VWA2: variants seen among roughly 807,000 people sequenced by gnomAD.
VWA2 encodes von Willebrand factor A domain containing 2, also known as von Willebrand factor A domain-containing protein 2.
VWA2 carries 73 observed loss-of-function variants against 70.4 expected under a neutral mutation model. That is an observed-to-expected ratio of 1.04 (90% CI 0.86 to 1.26). The LOEUF is 1.26. VWA2 is among the 50% of genes most tolerant of loss of function. VWA2 has a pLI of 0.00. For synonymous variants in VWA2, 407 were observed against 423.3 expected, an observed-to-expected ratio of 0.96 and a Z score of 0.47; for missense variants, 1,011 against 998.5, an observed-to-expected ratio of 1.01 and a Z score of -0.17.
intron 5 of VWA2, among the ~76,000 whole-genome samples, chr10:114,267,802 G>A (rs1253659356): frequency 6.6e-6 from 1 of 152,124 alleles, no homozygotes; most frequent in African/African-American, 2.4e-5. Flanking sequence ...TGACCTGCAG[G>A]AAGGTGAGGG....
chr10:114,247,851 G>A (rs2037106081), intron 1 of VWA2, among the ~76,000 whole-genome samples: 1 of 152,090 alleles, frequency 6.6e-6, no homozygotes, highest in Non-Finnish European at 1.5e-5. Context: ...GGATGAGGAT[G>A]AGGGCCCCTG....
Position 114,272,039 on chromosome 10 carries a change from C to T in VWA2, c.372-701C>T, listed in dbSNP as rs1297977399. Among the ~76,000 whole-genome samples, 4 of 152,206 alleles carry T rather than the reference C, an allele frequency of 2.6e-5. No individual in the cohort carries two copies. In the East Asian group the frequency reaches 7.7e-4, roughly 29 times the overall value. On this transcript the variant is annotated intron_variant, in intron 5 of 13. Coordinates refer to ENST00000392982, the MANE Select transcript of VWA2 (RefSeq NM_001272046.2). Reference sequence around the variant, plus strand: ...TCTCTGACAGGACGCTTACAGGAGCCTCCTAATTTGAGATTTAGCAGAGAT... The same window carrying T: ...TCTCTGACAGGACGCTTACAGGAGCTTCCTAATTTGAGATTTAGCAGAGAT...
chr10:114,274,448 A>G (rs1278267068), intron 6 of VWA2, among the ~76,000 whole-genome samples: 1 of 152,146 alleles, frequency 6.6e-6, no homozygotes, highest in Non-Finnish European at 1.5e-5. Context: ...AGAGGGAAGC[A>G]GCTGCAGCCT....
At chr10:114,289,676 A>G (rs2039358710) in intron 12 of VWA2, 187 bp downstream of exon 12, 1 of 642,588 alleles carries the variant, frequency 1.6e-6, no homozygotes. Context: ...ATCCTATTTG[A>G]CATTTAAGGT....
rs2037080993 is a variant in VWA2 at position 114,246,728 on chromosome 10, G to A, written c.-10-1976G>A. The A allele has an allele frequency of 2.0e-5, 30 of 1,524,470 alleles. No individual in the cohort carries two copies. The Middle Eastern group carries it at 1.2e-3, about 60-fold the overall frequency. 94.4% of individuals were successfully genotyped at this position (1,524,470 alleles called of 1,614,324 possible). On this transcript the variant is annotated intron_variant, in intron 1 of 13. Coordinates refer to ENST00000392982, the MANE Select transcript of VWA2 (RefSeq NM_001272046.2). ...AGCAAACAGTCTTAGGAATCGTGCA[G>A]GGGGAGAAATCCTTGAACCAGGGCT... is the stretch of plus-strand genomic sequence containing the variant.
chr10:114,254,678 A>G (rs183875612), intron 3 of VWA2, among the ~76,000 whole-genome samples: 2 of 152,300 alleles, frequency 1.3e-5, no homozygotes, highest in Non-Finnish European at 2.9e-5. Context: ...ATATTGTTGA[A>G]CTAGGTTCTT....
intron 5 of VWA2, among the ~76,000 whole-genome samples, chr10:114,268,507 T>C (rs1310451959): frequency 6.6e-6 from 1 of 151,996 alleles, no homozygotes; most frequent in Non-Finnish European, 1.5e-5. Context: ...GCTAAGCATA[T>C]ATAGGTAAAC....
chr10:114,258,342 G>A (rs1185544495), intron 4 of VWA2, among the ~76,000 whole-genome samples: 2 of 152,134 alleles, frequency 1.3e-5, no homozygotes, highest in Non-Finnish European at 2.9e-5. Context: ...CTGTTGTTAA[G>A]GTGGATTTAA....
chr10:114,286,572 G>A (rs1433208716), intron 11 of VWA2, 61 bp downstream of exon 11: 3 of 1,423,354 alleles, frequency 2.1e-6, no homozygotes, highest in Non-Finnish European at 2.8e-6. Context: ...CCTCCTTTTG[G>A]CCACCACCTA....
chr10:114,267,547 C>T (rs546865774), intron 5 of VWA2, among the ~76,000 whole-genome samples: 205 of 151,950 alleles, frequency 1.3e-3, no homozygotes, highest in African/African-American at 4.5e-3. Flanking sequence ...ATTCTCCTGC[C>T]TCAGCCTCCC....
chr10:114,272,649 C>T (rs1386900792), intron 5 of VWA2, 91 bp from the exon 6 acceptor site: 28 of 1,195,800 alleles, frequency 2.3e-5, no homozygotes, highest in South Asian at 4.9e-5. Flanking sequence ...TCGCTAATAA[C>T]GGAAGAGCTC....
chr10:114,273,154 A>C (rs965701864), intron 6 of VWA2, among the ~76,000 whole-genome samples: 1 of 152,196 alleles, frequency 6.6e-6, no homozygotes, highest in Non-Finnish European at 1.5e-5. Flanking sequence ...ACTCAGTTGC[A>C]AGTGCCAGAA....
chr10:114,290,099 C>T, intron 12 of VWA2, 141 bp from the exon 13 acceptor site: 2 of 1,131,184 alleles, frequency 1.8e-6, no homozygotes, highest in Non-Finnish European at 2.5e-6. Context: ...AAGTGGTATG[C>T]AGCACCAACC....
chr10:114,241,499 T>C (rs1301533108), intron 1 of VWA2, among the ~76,000 whole-genome samples: 1 of 152,206 alleles, frequency 6.6e-6, no homozygotes, highest in Non-Finnish European at 1.5e-5. Context: ...CTCGGTAATA[T>C]ACACTGACAT....
chr10:114,256,738 G>A (rs1322981566), intron 4 of VWA2, among the ~76,000 whole-genome samples: 5 of 151,860 alleles, frequency 3.3e-5, no homozygotes, highest in African/African-American at 1.2e-4. Flanking sequence ...ATGAAACCTT[G>A]TCTCTACTAA....
In VWA2 at chr10:114,294,190, T is replaced by A. The variant is rs2039860169; in HGVS notation, c.*2953T>A. 6.6e-6 allele frequency among the ~76,000 whole-genome samples: 1 copy of A among 152,242 alleles called. No homozygotes were observed. Among genetic ancestry groups the A allele is most frequent in the African/African-American group, 2.4e-5 (1 of 41,476 alleles). ...CTGCTGAATTTTTCATTTGCCAACA[T>A]CTTATTTCAGATTCTTTTAATCTGT... is the stretch of plus-strand genomic sequence containing the variant. On this transcript the variant is annotated 3_prime_UTR_variant, in exon 14 of 14. Coordinates refer to ENST00000392982, the MANE Select transcript of VWA2 (RefSeq NM_001272046.2).
chr10:114,248,780 TTGG>T lies in VWA2; in HGVS notation c.52+22_52+24del, dbSNP rs1564713041. The T allele has an allele frequency of 2.5e-6, 4 of 1,612,886 alleles. No individual in the cohort carries two copies. The highest frequency in any genetic ancestry group is 3.4e-6 in the Non-Finnish European group (4 of 1,178,908). ...GTTTTCCAGAGGTAAGATGTGTTTA[TTGG>T]TGGTGGGGAAGTACTGGCGTGTTGA... is the stretch of plus-strand genomic sequence containing the variant. On this transcript the variant is annotated intron_variant, in intron 2 of 13. Transcript: ENST00000392982.
chr10:114,286,070 G>A lies in VWA2; in HGVS notation c.1129G>A (p.Asp377Asn), dbSNP rs774194749. Residue 377 changes from aspartate to asparagine, a missense_variant, in exon 11 of 14, where the codon GAC becomes AAC. Transcript: ENST00000392982. ...GTTTGTGCGGGCCGTGCTGAGCGAG[G>A]ACTCTCGGGCCCGAGTGGGTGTGGC... The part of the protein sequence containing the change: ...KRFVRAVLSE[D>N]SRARVGVATY... 7 of 1,614,032 alleles carry A rather than the reference G, an allele frequency of 4.3e-6. No individual in the cohort carries two copies. Among genetic ancestry groups the A allele is most frequent in the East Asian group, 4.5e-5 (2 of 44,896 alleles).
intron 9 of VWA2, among the ~76,000 whole-genome samples, chr10:114,283,628 A>C (rs1179520545): frequency 6.6e-6 from 1 of 152,198 alleles, no homozygotes; most frequent in African/African-American, 2.4e-5. Flanking sequence ...TGTGACTTCT[A>C]TTCATTGAGC....
Sources: gnomAD v4.1 joint callset for allele counts (sites outside exome capture counted in the v4.1 genomes callset) on GRCh38, gnomAD v4.1.1 for gene constraint, MANE v1.5 for transcripts, NCBI Gene and HGNC (gene_info 2026-07-23, HGNC 2026-07-21) for gene names.